Variants in BANK1 observed in about 807,000 individuals in gnomAD.
BANK1 encodes B-cell scaffold protein with ankyrin repeats.
A neutral mutation model predicts 94.5 loss-of-function variants in BANK1; 95 were observed. The observed-to-expected ratio is 1.00, with a 90% CI of 0.85 to 1.19. BANK1 has a LOEUF of 1.19. BANK1 is among the 50% of genes most tolerant of loss of function. The pLI is 0.00. For missense variants in BANK1, 987 were observed against 932.2 expected, an observed-to-expected ratio of 1.06 and a Z score of -0.77; for synonymous variants, 334 against 308.4, an observed-to-expected ratio of 1.08 and a Z score of -0.87.
chr4:102,059,209 A>G (rs1366789771), intron 11 of BANK1, among the ~76,000 whole-genome samples: 2 of 152,134 alleles, frequency 1.3e-5, no homozygotes, highest in Non-Finnish European at 2.9e-5. Flanking sequence ...CAGTCCCAGA[A>G]ATGGGCATAT....
chr4:101,862,074 T>A (rs1462302602), intron 3 of BANK1, among the ~76,000 whole-genome samples: 2 of 152,080 alleles, frequency 1.3e-5, no homozygotes, highest in Non-Finnish European at 2.9e-5. Context: ...TTGTAAGAGA[T>A]CTTAAACTTT....
intron 11 of BANK1, among the ~76,000 whole-genome samples, chr4:102,056,816 G>A (rs567034581): frequency 6.6e-6 from 1 of 152,204 alleles, no homozygotes; most frequent in Admixed American, 6.5e-5. Flanking sequence ...GACCAGCCTG[G>A]CCAATATTGC....
intron 7 of BANK1, among the ~76,000 whole-genome samples, chr4:101,978,751 G>A (rs1216024436): frequency 1.3e-5 from 2 of 151,822 alleles, no homozygotes. Context: ...CTTATTTAAT[G>A]CCACAGATTT....
intron 5 of BANK1, among the ~76,000 whole-genome samples, chr4:101,886,862 A>G (rs1728875843): frequency 6.6e-6 from 1 of 152,050 alleles, no homozygotes; most frequent in African/African-American, 2.4e-5. Context: ...TACATAAATT[A>G]TGATGTTCAT....
intron 1 of BANK1, among the ~76,000 whole-genome samples, chr4:101,792,460 TGTGTGTGTG>T (rs1303097874): frequency 2.0e-5 from 2 of 99,496 alleles, no homozygotes; most frequent in Non-Finnish European, 4.9e-5. Context: ...TGTGTGTGTG[TGTGTGTGTG>T]TTTTTTTTTT....
chr4:101,911,966 G>A (rs2148897857), intron 6 of BANK1, among the ~76,000 whole-genome samples: 1 of 152,222 alleles, frequency 6.6e-6, no homozygotes, highest in Admixed American at 6.5e-5. Context: ...ATTAGTAACT[G>A]ATAACAGGAA....
intron 7 of BANK1, among the ~76,000 whole-genome samples, chr4:101,998,050 A>C (rs956191748): frequency 3.9e-5 from 6 of 152,168 alleles, no homozygotes; most frequent in African/African-American, 1.4e-4. Flanking sequence ...TCCTGTGGAC[A>C]TTTGGTGCTA....
chr4:101,964,025 AGACTGTATAT>A (rs1724663155), intron 7 of BANK1, among the ~76,000 whole-genome samples: 1 of 152,144 alleles, frequency 6.6e-6, no homozygotes, highest in Admixed American at 6.6e-5. Context: ...TGAACTGTTA[AGACTGTATAT>A]GAATTGGAAG....
At chr4:101,794,992 A>T (rs890230974) in intron 1 of BANK1, among the ~76,000 whole-genome samples, 1 of 152,134 alleles carries the variant, frequency 6.6e-6, no homozygotes, top group African/African-American at 2.4e-5. Context: ...CATGTGTTCT[A>T]CATTATAGAG....
At chr4:101,880,090 A>G (rs1271927452) in intron 5 of BANK1, among the ~76,000 whole-genome samples, 1 of 152,120 alleles carries the variant, frequency 6.6e-6, no homozygotes, top group Non-Finnish European at 1.5e-5. Context: ...TCCTAGCTAG[A>G]GCAATAAGAG....
At chr4:102,001,208 C>T (rs1726057626) in intron 7 of BANK1, among the ~76,000 whole-genome samples, 1 of 152,200 alleles carries the variant, frequency 6.6e-6, no homozygotes, top group Non-Finnish European at 1.5e-5. Context: ...GGCATGGGGA[C>T]ACTTCAGGTA....
intron 7 of BANK1, among the ~76,000 whole-genome samples, chr4:101,990,185 G>C (rs1725654359): frequency 6.6e-6 from 1 of 152,076 alleles, no homozygotes; most frequent in East Asian, 1.9e-4. Context: ...GGTACTATTT[G>C]GATATACAAG....
intron 10 of BANK1, among the ~76,000 whole-genome samples, chr4:102,033,715 A>G (rs190260407): frequency 6.6e-6 from 1 of 152,340 alleles, no homozygotes; most frequent in Admixed American, 6.5e-5. Context: ...ATTTACTCTC[A>G]TTATATTTGT....
chr4:102,017,685 G>T lies in BANK1; in HGVS notation c.1207-3829G>T, dbSNP rs192161801. 6.5e-3 allele frequency among the ~76,000 whole-genome samples: 997 copies of T among 152,306 alleles called. 8 individuals are homozygous for T. Among genetic ancestry groups the T allele is most frequent in the Admixed American group, 0.017 (262 of 15,298 alleles). ...CTTTCTCCATTTCTACAAAGCAGGG[G>T]ATCAAACCACAATTAGAAAATTGCA... is the stretch of plus-strand genomic sequence containing the variant. On this transcript the variant is annotated intron_variant, in intron 7 of 16. Coordinates refer to ENST00000322953, the MANE Select transcript of BANK1 (RefSeq NM_017935.5).
chr4:101,830,005 C>T lies in BANK1; in HGVS notation c.268C>T (p.Leu90Phe). 1.2e-6 allele frequency: 2 copies of T among 1,613,330 alleles called. No homozygotes were observed. Among genetic ancestry groups the T allele is most frequent in the South Asian group, 1.1e-5 (1 of 90,912 alleles). Residue 90 changes from leucine (L) to phenylalanine (F), a missense_variant, in exon 2 of 17, where the codon CTT becomes TTT. Transcript: ENST00000322953. ...CKLLILSNSL[L>F]RDLTPKKCQF... ...ACTTTTGATATTATCAAATAGCCTGCTTAGAGACCTAACTCCAAAGAAATG... is the reference window on the plus strand; with the variant it reads ...ACTTTTGATATTATCAAATAGCCTGTTTAGAGACCTAACTCCAAAGAAATG...
chr4:101,870,613 G>T lies in BANK1; in HGVS notation c.872G>T (p.Arg291Ile). 3 of 1,612,164 alleles carry T rather than the reference G, an allele frequency of 1.9e-6. No homozygotes were observed. Among genetic ancestry groups the T allele is most frequent in the Non-Finnish European group, 2.5e-6 (3 of 1,179,034 alleles). Reference protein sequence around the residue: ...PTAKAKECLFRMADSGESLCQ... With the variant: ...PTAKAKECLFIMADSGESLCQ... ...GCAAAGGCAAAGGAATGCCTATTCA[G>T]AATGGCAGATTCAGGAGAGAGTTTG... is the stretch of plus-strand genomic sequence containing the variant. The change falls in exon 5 of 17, where the codon AGA becomes ATA. Residue 291 changes from arginine (R) to isoleucine (I), a missense_variant. Arg to Ile is a moderately conservative substitution (Grantham distance 97, BLOSUM62 -3). Coordinates refer to ENST00000322953, the MANE Select transcript of BANK1 (RefSeq NM_017935.5).
intron 2 of BANK1, among the ~76,000 whole-genome samples, chr4:101,850,168 A>G (rs1283889067): frequency 6.6e-6 from 1 of 152,226 alleles, no homozygotes; most frequent in Non-Finnish European, 1.5e-5. Flanking sequence ...AAAACTCATT[A>G]GAGTATAAAA....
intron 7 of BANK1, among the ~76,000 whole-genome samples, chr4:101,922,205 G>T (rs1373928782): frequency 1.3e-5 from 2 of 151,592 alleles, no homozygotes. Flanking sequence ...TAATTGACTG[G>T]GTAATATAGA....
At chr4:101,885,671 C>G (rs985174466) in intron 5 of BANK1, among the ~76,000 whole-genome samples, 2 of 152,222 alleles carry the variant, frequency 1.3e-5, no homozygotes, top group African/African-American at 4.8e-5. Context: ...CAAATTAATG[C>G]CTGCCTTTCA....
Sources: allele counts gnomAD v4.1 joint callset (sites outside exome capture counted in the v4.1 genomes callset), GRCh38; gene constraint gnomAD v4.1.1; transcripts MANE v1.5; gene names NCBI Gene and HGNC (gene_info 2026-07-23, HGNC 2026-07-21).